CDCA7L: variants seen among roughly 807,000 people sequenced by gnomAD.
The protein encoded by CDCA7L is cell division cycle associated 7 like.
CDCA7L carries 44 observed loss-of-function variants against 57.4 expected under a neutral mutation model. The ratio of observed to expected loss-of-function variants is 0.77; its 90% CI spans 0.60 to 0.98. The LOEUF (loss-of-function observed/expected upper bound fraction) is 0.98, where lower values mean the gene tolerates loss of function less well. Ranked by LOEUF, CDCA7L falls within the 50% of genes least tolerant of loss-of-function variation. The pLI is 0.00. For missense variants in CDCA7L, 644 were observed against 580.6 expected, an observed-to-expected ratio of 1.11 and a Z score of -1.12; for synonymous variants, 236 against 202.8, an observed-to-expected ratio of 1.16 and a Z score of -1.39.
At position 21,902,114 on chromosome 7, in the gene CDCA7L, G is replaced by GCATACATCTATA. The variant is rs1306135259; in HGVS notation, c.*196_*207dup. On this transcript the variant is annotated 3_prime_UTR_variant, in exon 10 of 10. Coordinates refer to ENST00000406877, the MANE Select transcript of CDCA7L (RefSeq NM_018719.5). ...AAGTTCAGCATACAGACAGGTCTGTGCATACATCTATATAGATTCCTCTGC... is the reference window on the plus strand; with the variant it reads ...AAGTTCAGCATACAGACAGGTCTGTGCATACATCTATACATACATCTATATAGATTCCTCTGC... 9 of 604,772 alleles carry GCATACATCTATA rather than the reference G, an allele frequency of 1.5e-5. No individual in the cohort carries two copies. Among genetic ancestry groups the GCATACATCTATA allele is most frequent in the Non-Finnish European group, 2.7e-5 (9 of 337,786 alleles). The allele number at this position is 604,772 out of a possible 1,614,324, so 37.5% of individuals were successfully genotyped here.
At chr7:21,911,495 T>C (rs1259044489) in intron 3 of CDCA7L, 122 bp downstream of exon 3, 13 of 1,247,848 alleles carry the variant, frequency 1.0e-5, no homozygotes, top group Non-Finnish European at 1.4e-5. Context: ...TGTTAATTGC[T>C]TGTAAGATAA....
chr7:21,901,024 C>CAAGCAGGAACCATTGTTGA lies in CDCA7L; in HGVS notation c.*1279_*1297dup. ...TGCCATAGGCGCCCGCTGGGACACC[C>CAAGCAGGAACCATTGTTGA]AAGCAGGAACCATTGTTGAAGCCCG... On this transcript the variant is annotated 3_prime_UTR_variant, in exon 10 of 10. Coordinates refer to ENST00000406877, the MANE Select transcript of CDCA7L (RefSeq NM_018719.5). 1.2e-6 allele frequency: 2 copies of CAAGCAGGAACCATTGTTGA among 1,606,284 alleles called. No homozygotes were observed. The highest frequency in any genetic ancestry group is 1.3e-5 in the African/African-American group (1 of 74,784).
intron 1 of CDCA7L, among the ~76,000 whole-genome samples, chr7:21,918,200 T>G (rs552739026): frequency 6.6e-6 from 1 of 152,194 alleles, no homozygotes; most frequent in Non-Finnish European, 1.5e-5. Context: ...TAAAAAATTT[T>G]TCATTATAAA....
chr7:21,924,622 C>T (rs1192294808), intron 1 of CDCA7L, among the ~76,000 whole-genome samples: 1 of 152,170 alleles, frequency 6.6e-6, no homozygotes, highest in Non-Finnish European at 1.5e-5. Context: ...GGATCACAAA[C>T]TTGAATATAA....
chr7:21,931,846 A>T (rs1470662832), intron 1 of CDCA7L, among the ~76,000 whole-genome samples: 1 of 152,248 alleles, frequency 6.6e-6, no homozygotes, highest in Non-Finnish European at 1.5e-5. Flanking sequence ...AAAGTATTCA[A>T]ATAGGAAGAG....
chr7:21,934,340 T>C (rs572557396), intron 1 of CDCA7L, among the ~76,000 whole-genome samples: 1 of 152,296 alleles, frequency 6.6e-6, no homozygotes, highest in Non-Finnish European at 1.5e-5. Flanking sequence ...GTGAAATTGG[T>C]ATCATTCAAA....
intron 2 of CDCA7L, among the ~76,000 whole-genome samples, chr7:21,915,686 G>A (rs924101909): frequency 6.8e-6 from 1 of 147,838 alleles, no homozygotes; most frequent in African/African-American, 2.5e-5. Context: ...AATTAGCCAG[G>A]CGTGGTGGTG....
intron 1 of CDCA7L, among the ~76,000 whole-genome samples, chr7:21,943,516 A>G (rs1025746123): frequency 6.6e-6 from 1 of 152,262 alleles, no homozygotes; most frequent in African/African-American, 2.4e-5. Flanking sequence ...GCTGGGGGAC[A>G]GGGTGGAACC....
intron 3 of CDCA7L, among the ~76,000 whole-genome samples, chr7:21,909,001 G>C (rs1418980564): frequency 6.6e-6 from 1 of 152,196 alleles, no homozygotes; most frequent in East Asian, 1.9e-4. Flanking sequence ...CAGTGACCCA[G>C]GACAGGCAGA....
At chr7:21,904,042 G>A in intron 8 of CDCA7L, 68 bp downstream of exon 8, 1 of 1,439,862 alleles carries the variant, frequency 6.9e-7, no homozygotes, top group Non-Finnish European at 9.3e-7. Flanking sequence ...GAGAACCCAG[G>A]AGGCCCATCT....
chr7:21,945,428 G>C (rs1165405447), intron 1 of CDCA7L, among the ~76,000 whole-genome samples: 1 of 151,920 alleles, frequency 6.6e-6, no homozygotes, highest in Non-Finnish European at 1.5e-5. Context: ...GAAAGTGTGG[G>C]GAGTGCACAA....
intron 2 of CDCA7L, among the ~76,000 whole-genome samples, chr7:21,912,194 C>A (rs556710341): frequency 3.3e-5 from 5 of 151,990 alleles, no homozygotes; most frequent in Admixed American, 1.3e-4. Flanking sequence ...CCTGGGAGGT[C>A]GAGGCTGCAG....
intron 1 of CDCA7L, among the ~76,000 whole-genome samples, chr7:21,934,992 A>G (rs4473920): frequency 0.68 from 103,334 of 152,026 alleles, 35,653 homozygotes; most frequent in Non-Finnish European, 0.72. Flanking sequence ...CCCACTTTCA[A>G]CAGTGAACAG....
intron 2 of CDCA7L, among the ~76,000 whole-genome samples, chr7:21,912,965 A>T (rs946301371): frequency 1.3e-5 from 2 of 152,150 alleles, no homozygotes; most frequent in African/African-American, 4.8e-5. Flanking sequence ...CCACGAGACC[A>T]GCCCCCTGCA....
At chr7:21,945,065 G>C (rs1315676114) in intron 1 of CDCA7L, among the ~76,000 whole-genome samples, 1 of 152,124 alleles carries the variant, frequency 6.6e-6, no homozygotes. Context: ...GAAGTAAAAA[G>C]AGAAAACTGA....
intron 3 of CDCA7L, among the ~76,000 whole-genome samples, chr7:21,909,889 C>T (rs1785260887): frequency 6.6e-6 from 1 of 152,170 alleles, no homozygotes; most frequent in Non-Finnish European, 1.5e-5. Context: ...TCGCATCCGG[C>T]CAGCAGACCC....
Position 21,902,013 on chromosome 7 carries a change from T to TCTAA in CDCA7L, c.*305_*308dup, listed in dbSNP as rs1348595350. Reference sequence around the variant, plus strand: ...GGAGCTGATCATACAATGTTTTCTCTCTAACTTACTTACCTGAACTTTAAC... The same window carrying TCTAA: ...GGAGCTGATCATACAATGTTTTCTCTCTAACTAACTTACTTACCTGAACTTTAAC... On this transcript the variant is annotated 3_prime_UTR_variant, in exon 10 of 10. Transcript: ENST00000406877. The TCTAA allele has an allele frequency of 3.7e-5, 14 of 375,114 alleles. 1 individual carries two copies. Among genetic ancestry groups the TCTAA allele is most frequent in the East Asian group, 9.9e-5 (2 of 20,244 alleles). The allele number at this position is 375,114 out of a possible 1,614,324, so 23.2% of individuals were successfully genotyped here.
chr7:21,907,420 G>C (rs1785174620), intron 4 of CDCA7L, among the ~76,000 whole-genome samples: 1 of 151,558 alleles, frequency 6.6e-6, no homozygotes, highest in South Asian at 2.1e-4. Flanking sequence ...AAAAGGAAAA[G>C]ATTAAAAAAT....
chr7:21,935,130 C>T (rs944747806), intron 1 of CDCA7L, among the ~76,000 whole-genome samples: 6 of 152,082 alleles, frequency 3.9e-5, no homozygotes, highest in Non-Finnish European at 8.8e-5. Flanking sequence ...TTCCAGGACA[C>T]ACTATATGTT....
Sources: gnomAD v4.1 joint callset for allele counts (sites outside exome capture counted in the v4.1 genomes callset) on GRCh38, gnomAD v4.1.1 for gene constraint, MANE v1.5 for transcripts, NCBI Gene and HGNC (gene_info 2026-07-23, HGNC 2026-07-21) for gene names.